BAIAP2: variants seen among roughly 807,000 people sequenced by gnomAD.
BAIAP2 encodes the protein BAR/IMD domain-containing adapter protein 2.
A neutral mutation model predicts 63.0 loss-of-function variants in BAIAP2; 18 were observed. That is an observed-to-expected ratio of 0.29 (90% CI 0.20 to 0.42). The LOEUF (loss-of-function observed/expected upper bound fraction) is 0.42. Among genes scored for constraint, BAIAP2 ranks in the 10% least tolerant of loss-of-function variants. The probability of loss-of-function intolerance (pLI) is 1.00; values close to 1 mark genes in which losing one functional copy is unlikely to be tolerated. For synonymous variants in BAIAP2, 386 were observed against 307.6 expected (o/e 1.25, Z -2.67); for missense variants, 610 against 734.3 (o/e 0.83, Z 1.96).
rs2060523774 is a variant in BAIAP2, at chr17:81,116,211, C to T, written c.*372C>T. ...CCTGCTGCTTCTCCTGCCTAATAAA[C>T]AGGCTTCTCCTGCACCAGGTGTGAT... On this transcript the variant is annotated 3_prime_UTR_variant, in exon 14 of 14. Coordinates refer to ENST00000428708, the MANE Select transcript of BAIAP2 (RefSeq NM_001144888.2). The T allele has an allele frequency of 5.6e-6, 9 of 1,609,158 alleles. No homozygotes were observed. The East Asian group carries it at 1.6e-4, about 28-fold the overall frequency.
At chr17:81,036,940 T>C (rs1391506993) in intron 1 of BAIAP2, 2 of 1,535,940 alleles carry the variant, frequency 1.3e-6, no homozygotes, top group Non-Finnish European at 1.7e-6. Context: ...GCAGGAACTT[T>C]CGTGGTGAGA....
At chr17:81,108,759 T>G in intron 13 of BAIAP2, 12 of 919,746 alleles carry the variant, frequency 1.3e-5, no homozygotes, top group Non-Finnish European at 1.9e-5. Context: ...CAGGCAAGGT[T>G]GGGGAGGGTA....
At chr17:81,095,580 C>T (rs2057478530) in intron 6 of BAIAP2, among the ~76,000 whole-genome samples, 1 of 152,188 alleles carries the variant, frequency 6.6e-6, no homozygotes, top group African/African-American at 2.4e-5. Flanking sequence ...TGCGCTGACT[C>T]AGGCTCTGCC....
Position 81,116,297 on chromosome 17 carries a change from G to A in BAIAP2, c.*458G>A, listed in dbSNP as rs143905176. Reference sequence around the variant, plus strand: ...GGATGGGAGCGCCCGCACCCTGGCTGGAAGATGAACTTCCCGTAAGCACGT... The same window carrying A: ...GGATGGGAGCGCCCGCACCCTGGCTAGAAGATGAACTTCCCGTAAGCACGT... On this transcript the variant is annotated 3_prime_UTR_variant, in exon 14 of 14. Coordinates refer to ENST00000428708, the MANE Select transcript of BAIAP2 (RefSeq NM_001144888.2). The A allele has an allele frequency of 4.7e-5, 76 of 1,612,680 alleles. No homozygotes were observed. Among genetic ancestry groups the A allele is most frequent in the Non-Finnish European group, 6.3e-5 (74 of 1,179,866 alleles).
Position 81,116,378 on chromosome 17 carries a change from TGCCCCTCGGTGGGGCTCTCCTGG to T in BAIAP2, c.*547_*569del, listed in dbSNP as rs2060536430. 2 of 1,569,110 alleles carry T rather than the reference TGCCCCTCGGTGGGGCTCTCCTGG, an allele frequency of 1.3e-6. No homozygotes were observed. The highest frequency in any genetic ancestry group is 1.4e-5 in the African/African-American group (1 of 74,048). On this transcript the variant is annotated 3_prime_UTR_variant, in exon 14 of 14. Coordinates refer to ENST00000428708, the MANE Select transcript of BAIAP2 (RefSeq NM_001144888.2). Reference sequence around the variant, plus strand: ...GAGTGTGGGGCCTGGTCCCTCCCCATGCCCCTCGGTGGGGCTCTCCTGGGCCCCTCACTCCCACTGGCAATGTC... The same window carrying T: ...GAGTGTGGGGCCTGGTCCCTCCCCATGCCCCTCACTCCCACTGGCAATGTC...
At chr17:81,095,182 G>A (rs868430421) in intron 6 of BAIAP2, among the ~76,000 whole-genome samples, 10 of 152,098 alleles carry the variant, frequency 6.6e-5, no homozygotes, top group East Asian at 1.9e-4. Context: ...GCTCAGCGGC[G>A]GGCGGGGACT....
At chr17:81,098,177 C>T (rs940595192) in intron 6 of BAIAP2, 2 of 1,455,542 alleles carry the variant, frequency 1.4e-6, no homozygotes, top group Admixed American at 4.5e-5. Context: ...TCACTTCCAC[C>T]TACAGCCCTG....
At chr17:81,047,671 C>G (rs1326132544) in intron 1 of BAIAP2, among the ~76,000 whole-genome samples, 1 of 150,814 alleles carries the variant, frequency 6.6e-6, no homozygotes, top group African/African-American at 2.5e-5. Flanking sequence ...AGCACACACA[C>G]AGGTCCATCT....
At chr17:81,070,255 G>C (rs2052351085) in intron 3 of BAIAP2, among the ~76,000 whole-genome samples, 1 of 152,190 alleles carries the variant, frequency 6.6e-6, no homozygotes, top group South Asian at 2.1e-4. Context: ...CACCGTGCCT[G>C]GCCAGAGGTT....
chr17:81,036,487 G>A (rs1324358945), intron 1 of BAIAP2, among the ~76,000 whole-genome samples: 1 of 152,276 alleles, frequency 6.6e-6, no homozygotes, highest in Non-Finnish European at 1.5e-5. Context: ...TCAGGCTTGG[G>A]AGAGCCAGAT....
At chr17:81,040,479 AG>A (rs1337470620) in intron 1 of BAIAP2, among the ~76,000 whole-genome samples, 1 of 152,228 alleles carries the variant, frequency 6.6e-6, no homozygotes, top group African/African-American at 2.4e-5. Context: ...CTCAACCCAG[AG>A]GCAGAAAGGG....
At chr17:81,074,790 G>A (rs936021822) in intron 3 of BAIAP2, among the ~76,000 whole-genome samples, 5 of 152,274 alleles carry the variant, frequency 3.3e-5, no homozygotes, top group Non-Finnish European at 7.3e-5. Flanking sequence ...GTGTGTCTGT[G>A]TGCATGTACG....
chr17:81,077,924 G>A (rs1396397978), intron 3 of BAIAP2, among the ~76,000 whole-genome samples: 2 of 148,200 alleles, frequency 1.3e-5, no homozygotes, highest in East Asian at 2.0e-4. Context: ...GTGCCATCTC[G>A]GAGCTGGATG....
chr17:81,063,574 C>T (rs115009646), intron 3 of BAIAP2, among the ~76,000 whole-genome samples: 62 of 152,276 alleles, frequency 4.1e-4, no homozygotes, highest in African/African-American at 1.2e-3. Context: ...AGGAGGCGTT[C>T]GTCTCACTCC....
intron 6 of BAIAP2, among the ~76,000 whole-genome samples, chr17:81,092,334 G>T (rs1051531307): frequency 6.6e-6 from 1 of 152,244 alleles, no homozygotes; most frequent in African/African-American, 2.4e-5. Flanking sequence ...CTCCACTGCC[G>T]GGCTCATTGT....
chr17:81,115,638 T>G, intron 13 of BAIAP2, 132 bp from the exon 14 acceptor site: 6 of 1,088,124 alleles, frequency 5.5e-6, no homozygotes, highest in Non-Finnish European at 5.4e-6. Flanking sequence ...ATATTGTCTG[T>G]GAGCTCTGTG....
At chr17:81,041,525 T>C (rs1370638103) in intron 1 of BAIAP2, among the ~76,000 whole-genome samples, 4 of 152,230 alleles carry the variant, frequency 2.6e-5, no homozygotes, top group Non-Finnish European at 5.9e-5. Context: ...TGTCTTATAA[T>C]TGGGTAGTGT....
chr17:81,064,775 A>C (rs1336883424), intron 3 of BAIAP2, among the ~76,000 whole-genome samples: 1 of 152,102 alleles, frequency 6.6e-6, no homozygotes, highest in Non-Finnish European at 1.5e-5. Context: ...TGCAGACCTC[A>C]CAGACGGAAG....
At position 81,115,822 on chromosome 17, in the gene BAIAP2, G is replaced by GC. The variant is rs770408285; in HGVS notation, c.1594dup (p.Leu532ProfsTer34). 1.9e-6 allele frequency: 3 copies of GC among 1,613,436 alleles called. No individual in the cohort carries two copies. The highest frequency in any genetic ancestry group is 1.7e-6 in the Non-Finnish European group (2 of 1,180,002). On this transcript the variant is annotated frameshift_variant, in exon 14 of 14. Coordinates refer to ENST00000428708, the MANE Select transcript of BAIAP2 (RefSeq NM_001144888.2). LOFTEE classifies it high-confidence loss of function. Reference sequence around the variant, plus strand: ...GCCGACAGTGACCAACGACAGGTCTGCCCCCCTCCTCAGCTGATGGCCACA... The same window carrying GC: ...GCCGACAGTGACCAACGACAGGTCTGCCCCCCCTCCTCAGCTGATGGCCACA...
Sources: gnomAD v4.1 joint callset for allele counts (sites outside exome capture counted in the v4.1 genomes callset) on GRCh38, gnomAD v4.1.1 for gene constraint, MANE v1.5 for transcripts, NCBI Gene and HGNC (gene_info 2026-07-23, HGNC 2026-07-21) for gene names.